Variants in PRPF40B observed in about 807,000 individuals in gnomAD.
The protein encoded by PRPF40B is pre-mRNA-processing factor 40 homolog B.
In PRPF40B, 56 loss-of-function variants were observed where a neutral mutation model predicts 124.5. The observed-to-expected ratio is 0.45, with a 90% confidence interval of 0.36 to 0.56. The LOEUF is 0.56. Among genes scored for constraint, PRPF40B ranks in the 20% least tolerant of loss-of-function variants. The pLI, the probability that PRPF40B is intolerant of heterozygous loss-of-function variation, is 0.00. For missense variants in PRPF40B, 1,053 were observed against 1,169.5 expected, an observed-to-expected ratio of 0.90 and a Z score of 1.45; for synonymous variants, 443 against 426.4, an observed-to-expected ratio of 1.04 and a Z score of -0.48.
chr12:49,635,317 AG>A lies in PRPF40B; in HGVS notation c.1167-45del. On this transcript the variant is annotated intron_variant, in intron 13 of 25. Transcript: ENST00000548825. The surrounding 1 kb of genome is among the most constrained non-coding windows in gnomAD (Gnocchi z 4.1). ...GGGAACCCTGAGAACACAAAGGTCCAGGGTCTCTGTTCTCTGTCTACCTACT... is the reference window on the plus strand; with the variant it reads ...GGGAACCCTGAGAACACAAAGGTCCAGGTCTCTGTTCTCTGTCTACCTACT... The A allele has an allele frequency of 6.2e-7, 1 of 1,609,126 alleles. No individual in the cohort carries two copies. Among genetic ancestry groups the A allele is most frequent in the Non-Finnish European group, 8.5e-7 (1 of 1,177,460 alleles).
In PRPF40B at chr12:49,635,346, C is replaced by T. The variant is rs1941668536; in HGVS notation, c.1167-19C>T. 2 of 1,611,246 alleles carry T rather than the reference C, an allele frequency of 1.2e-6. No individual in the cohort carries two copies. Among genetic ancestry groups the T allele is most frequent in the Non-Finnish European group, 1.7e-6 (2 of 1,178,750 alleles). ...TCTCTGTTCTCTGTCTACCTACTCACAGCTTATATGCTCCACAGGCGGGCA... is the reference window on the plus strand; with the variant it reads ...TCTCTGTTCTCTGTCTACCTACTCATAGCTTATATGCTCCACAGGCGGGCA... On this transcript the variant is annotated intron_variant, in intron 13 of 25. Transcript: ENST00000548825. This position sits in a 1 kb window ranked among gnomAD's most constrained non-coding sequence, Gnocchi z 4.1.
intron 15 of PRPF40B, 92 bp from the exon 16 acceptor site, chr12:49,636,624 G>A: frequency 6.4e-7 from 1 of 1,570,324 alleles, no homozygotes; most frequent in East Asian, 2.3e-5. Context: ...CCTAGCACCT[G>A]TAGGACAGCA....
Position 49,631,460 on chromosome 12 carries a change from G to A in PRPF40B, c.144G>A (p.Gln48=). The change falls in exon 3 of 26, where the codon CAG becomes CAA. Residue 48 remains glutamine, a synonymous_variant. Coordinates refer to ENST00000548825, the MANE Select transcript of PRPF40B (RefSeq NM_001031698.3). This position sits in a 1 kb window ranked among gnomAD's most constrained non-coding sequence, Gnocchi z 4.3. The stretch of plus-strand genomic sequence containing the variant: ...CGATGGGGCTACCCCCCATGAGTCA[G>A]AGACCACCAGCTATCCCCCCCATGC... ...FPPMGLPPMS[Q]RPPAIPPMPP... is the part of the protein sequence containing the mutation. 6.7e-7 allele frequency: 1 copy of A among 1,483,046 alleles called. No homozygotes were observed. Among genetic ancestry groups the A allele is most frequent in the East Asian group, 2.4e-5 (1 of 41,602 alleles). 91.9% of individuals were successfully genotyped at this position (1,483,046 alleles called of 1,614,324 possible). A position where few individuals can be genotyped will look rare whatever the true frequency, so the allele number is the denominator to read the frequency against.
chr12:49,641,725 C>CATGGGGGCTTAATTGTCAAGTG, intron 18 of PRPF40B, 183 bp from the exon 19 acceptor site: 1 of 592,750 alleles, frequency 1.7e-6, no homozygotes, highest in East Asian at 2.8e-5. Flanking sequence ...CAAGGGTAGG[C>CATGGGGGCTTAATTGTCAAGTG]ATGGGGGCTT....
rs1941447066 is a variant in PRPF40B at position 49,633,544 on chromosome 12, G to C, written c.577G>C (p.Glu193Gln). ...CCGGCCCAAGGATCTGGATGACCTA[G>C]AGGGTGAGATGTCCTACGGGTGGGC... is the stretch of plus-strand genomic sequence containing the variant. Reference protein sequence around the residue: ...WTRPKDLDDLEVLVKQEAAGK... With the variant: ...WTRPKDLDDLQVLVKQEAAGK... The change falls in exon 8 of 26, where the codon GAG (glutamate) becomes CAG (glutamine). Residue 193 changes from glutamate to glutamine, a missense_variant. Glu to Gln is a conservative substitution (Grantham distance 29, BLOSUM62 2). This residue lies in a region of PRPF40B where 895 missense variants were observed against 1,052.2 expected (regional missense o/e 0.85). Transcript: ENST00000548825. 6.2e-7 allele frequency: 1 copy of C among 1,614,256 alleles called. No homozygotes were observed. Among genetic ancestry groups the C allele is most frequent in the Non-Finnish European group, 8.5e-7 (1 of 1,180,042 alleles).
chr12:49,623,493 C>G, upstream of PRPF40B: 11 of 1,213,674 alleles, frequency 9.1e-6, no homozygotes, highest in Non-Finnish European at 1.1e-5. Flanking sequence ...GGGGTGCGAC[C>G]CCCCGCCGGC....
intron 16 of PRPF40B, chr12:49,637,159 T>C (rs1168929392): frequency 1.8e-6 from 1 of 569,090 alleles, no homozygotes; most frequent in African/African-American, 1.9e-5. Flanking sequence ...GCAGAGTTTA[T>C]TCCCTCAGCT....
chr12:49,624,187 C>T, intron 1 of PRPF40B: 3 of 982,862 alleles, frequency 3.1e-6, no homozygotes, highest in Non-Finnish European at 3.6e-6. Flanking sequence ...CACTACCTTT[C>T]TTTGGGCCTC....
At chr12:49,636,675 C>T in intron 15 of PRPF40B, 41 bp from the exon 16 acceptor site, 1 of 1,611,598 alleles carries the variant, frequency 6.2e-7, no homozygotes, top group South Asian at 1.1e-5. Context: ...AGAGGGTATC[C>T]TGCTGGGACA....
chr12:49,627,942 G>A (rs1294107340), intron 1 of PRPF40B, among the ~76,000 whole-genome samples: 1 of 152,162 alleles, frequency 6.6e-6, no homozygotes, highest in Non-Finnish European at 1.5e-5. Context: ...GTGACTCATA[G>A]GTTTCCATTT....
upstream of PRPF40B, among the ~76,000 whole-genome samples, chr12:49,623,175 C>T (rs1592565892): frequency 6.6e-6 from 1 of 151,898 alleles, no homozygotes; most frequent in African/African-American, 2.4e-5. Context: ...AAAAGAGCTA[C>T]ACAGCAAATT....
Position 49,635,546 on chromosome 12 carries a change from C to T in PRPF40B, c.1275+73C>T. Reference sequence around the variant, plus strand: ...TCCTTGTCTTTGCTTTGTTATGGACCCTCGCCATTTACTTCTCTACTTCCC... The same window carrying T: ...TCCTTGTCTTTGCTTTGTTATGGACTCTCGCCATTTACTTCTCTACTTCCC... On this transcript the variant is annotated intron_variant, in intron 14 of 25. Coordinates refer to ENST00000548825, the MANE Select transcript of PRPF40B (RefSeq NM_001031698.3). The surrounding 1 kb of genome is among the most constrained non-coding windows in gnomAD (Gnocchi z 4.1). The T allele has an allele frequency of 7.1e-7, 1 of 1,402,254 alleles. No individual in the cohort carries two copies. Among genetic ancestry groups the T allele is most frequent in the Non-Finnish European group, 9.8e-7 (1 of 1,020,190 alleles). The allele number at this position is 1,402,254 out of a possible 1,614,324, so 86.9% of individuals were successfully genotyped here. A position where few individuals can be genotyped will look rare whatever the true frequency, so the allele number is the denominator to read the frequency against.
Position 49,644,221 on chromosome 12 carries a change from TG to T in PRPF40B, c.*30del, listed in dbSNP as rs764613665. 4 of 1,611,080 alleles carry T rather than the reference TG, an allele frequency of 2.5e-6. No individual in the cohort carries two copies. In the African/African-American group the frequency reaches 5.3e-5, roughly 22 times the overall value. The stretch of plus-strand genomic sequence containing the variant: ...AATGAGCTGTTCTCTGCCTCGGGTC[TG>T]TGTGAGGCCATGGCTCCTGGGCCAC... On this transcript the variant is annotated 3_prime_UTR_variant, in exon 26 of 26. Coordinates refer to ENST00000548825, the MANE Select transcript of PRPF40B (RefSeq NM_001031698.3).
chr12:49,637,773 G>A lies in PRPF40B; in HGVS notation c.1716G>A (p.Glu572=). ...ACTTATTCAAGTTCTATGTGGAGGA[G>A]TTGAAGGCACGATTCCATGATGAAA... ...PLDLFKFYVE[E]LKARFHDEKK... is the part of the protein sequence containing the mutation. Residue 572 remains glutamate, a synonymous_variant, in exon 18 of 26, where the codon GAG becomes GAA. Coordinates refer to ENST00000548825, the MANE Select transcript of PRPF40B (RefSeq NM_001031698.3). The A allele has an allele frequency of 6.2e-7, 1 of 1,612,690 alleles. No individual in the cohort carries two copies. Among genetic ancestry groups the A allele is most frequent in the Non-Finnish European group, 8.5e-7 (1 of 1,178,984 alleles).
At position 49,635,384 on chromosome 12, in the gene PRPF40B, G is replaced by A. The variant is rs1396817523; in HGVS notation, c.1186G>A (p.Gly396Arg). 6.2e-7 allele frequency: 1 copy of A among 1,613,840 alleles called. No individual in the cohort carries two copies. Among genetic ancestry groups the A allele is most frequent in the Admixed American group, 1.7e-5 (1 of 59,978 alleles). ...TRYRRAEQTF[G>R]ELEVWAVVPE... ...CCACAGGCGGGCAGAACAGACCTTT[G>A]GGGAGCTGGAGGTCTGGGCTGTGGT... is the stretch of plus-strand genomic sequence containing the variant. The change falls in exon 14 of 26, where the codon GGG (glycine) becomes AGG (arginine). Residue 396 changes from glycine (G) to arginine (R), a missense_variant. By Grantham distance (125) the Gly-to-Arg change is moderately radical. Transcript: ENST00000548825. The surrounding 1 kb of genome is among the most constrained non-coding windows in gnomAD (Gnocchi z 4.1).
chr12:49,643,532 T>G, intron 23 of PRPF40B, 135 bp downstream of exon 23: 1 of 1,367,598 alleles, frequency 7.3e-7, no homozygotes, highest in Non-Finnish European at 9.9e-7. Flanking sequence ...AAGAACTTCC[T>G]CTACCTGCCC....
In PRPF40B at chr12:49,632,844, C is replaced by T; in HGVS notation, c.323-11C>T. On this transcript the variant is annotated splice_polypyrimidine_tract_variant and intron_variant, in intron 5 of 25. Coordinates refer to ENST00000548825, the MANE Select transcript of PRPF40B (RefSeq NM_001031698.3). Reference sequence around the variant, plus strand: ...CAAGGACTTAGTATGTATCCTTTGGCTTTTTTCTAGCTGCTGTGGCTGGGA... The same window carrying T: ...CAAGGACTTAGTATGTATCCTTTGGTTTTTTTCTAGCTGCTGTGGCTGGGA... 3.7e-6 allele frequency: 6 copies of T among 1,613,940 alleles called. No individual in the cohort carries two copies. The highest frequency in any genetic ancestry group is 5.1e-6 in the Non-Finnish European group (6 of 1,180,018).
In PRPF40B at chr12:49,642,088, C is replaced by T; in HGVS notation, c.1884+64C>T. 1 of 1,603,322 alleles carries T rather than the reference C, an allele frequency of 6.2e-7. No individual in the cohort carries two copies. Among genetic ancestry groups the T allele is most frequent in the East Asian group, 2.2e-5 (1 of 44,808 alleles). Reference sequence around the variant, plus strand: ...ATCTGTGTCTTGCTCCATTCCTTCTCACTCACTGTCCCACTGACTATATTC... The same window carrying T: ...ATCTGTGTCTTGCTCCATTCCTTCTTACTCACTGTCCCACTGACTATATTC... On this transcript the variant is annotated intron_variant, in intron 19 of 25. Transcript: ENST00000548825. This position sits in a 1 kb window ranked among gnomAD's most constrained non-coding sequence, Gnocchi z 5.8.
rs145307949 is a variant in PRPF40B at position 49,642,257 on chromosome 12, G to A, written c.1907G>A (p.Arg636Gln). ...CAGCTGCTGGAGAAAGCAGAGGCAC[G>A]GGAGAGGGAGCGGGAGAAGGAGGAG... ...FNSLLEKAEA[R>Q]EREREKEEAR... The change falls in exon 20 of 26, where the codon CGG (arginine) becomes CAG (glutamine). Residue 636 changes from arginine (R) to glutamine (Q), a missense_variant. This residue lies in a region of PRPF40B where 895 missense variants were observed against 1,052.2 expected (regional missense o/e 0.85). Transcript: ENST00000548825. The surrounding 1 kb of genome is among the most constrained non-coding windows in gnomAD (Gnocchi z 5.8). 3.8e-5 allele frequency: 62 copies of A among 1,614,062 alleles called. No individual in the cohort carries two copies. The highest frequency in any genetic ancestry group is 1.6e-4 in the Middle Eastern group (1 of 6,084).
Sources: gnomAD v4.1 joint callset for allele counts (sites outside exome capture counted in the v4.1 genomes callset) on GRCh38, gnomAD v4.1.1 for gene constraint, gnomAD v4.1.1 regional missense constraint, Gnocchi (gnomAD v3.1) non-coding constraint, MANE v1.5 for transcripts, NCBI Gene and HGNC (gene_info 2026-07-23, HGNC 2026-07-21) for gene names.